ARSG: variants seen among roughly 807,000 people sequenced by gnomAD.
The protein encoded by ARSG is ASG.
In ARSG, 37 loss-of-function variants were observed where a neutral mutation model predicts 50.5. The observed-to-expected ratio is 0.73, with a 90% CI of 0.56 to 0.96. The LOEUF (loss-of-function observed/expected upper bound fraction) is 0.96, where lower values mean the gene tolerates loss of function less well. ARSG is among the 50% of genes least tolerant of loss of function. The pLI is 0.00. For missense variants in ARSG, 629 were observed against 675.3 expected (o/e 0.93, Z 0.76); for synonymous variants, 225 against 254.6 (o/e 0.88, Z 1.11).
At chr17:68,347,787 T>C (rs776181929) in intron 4 of ARSG, among the ~76,000 whole-genome samples, 3 of 152,220 alleles carry the variant, frequency 2.0e-5, no homozygotes, top group Non-Finnish European at 4.4e-5. Context: ...GTGGACTTTC[T>C]CTTAAAGGCA....
intron 11 of ARSG, among the ~76,000 whole-genome samples, chr17:68,416,250 T>C (rs1453112853): frequency 2.0e-5 from 3 of 152,208 alleles, no homozygotes; most frequent in African/African-American, 4.8e-5. Context: ...TCTCAGCATT[T>C]GTTTGTATCC....
chr17:68,444,510 A>G, the ARSG span: 1 of 1,613,782 alleles, frequency 6.2e-7, no homozygotes, highest in Non-Finnish European at 8.5e-7. Flanking sequence ...GTTTGCAGGA[A>G]TATCCAGGAG....
At chr17:68,427,076 G>C, downstream of ARSG, 1 of 1,414,136 alleles carries the variant, frequency 7.1e-7, no homozygotes, top group Non-Finnish European at 1.0e-6. Context: ...AGCGTGCAGG[G>C]AGAAGGGGAG....
intron 2 of ARSG, among the ~76,000 whole-genome samples, chr17:68,327,877 C>T (rs978725772): frequency 5.3e-5 from 8 of 152,004 alleles, no homozygotes; most frequent in Non-Finnish European, 1.2e-4. Flanking sequence ...GAGAGTGCTT[C>T]GGGTGAGGGA....
chr17:68,371,608 G>C (rs926946134), intron 8 of ARSG, among the ~76,000 whole-genome samples: 12 of 152,108 alleles, frequency 7.9e-5, no homozygotes, highest in African/African-American at 2.9e-4. Flanking sequence ...TGAAAAATAC[G>C]CATATCATTT....
chr17:68,417,405 C>T (rs2082437620), intron 11 of ARSG, among the ~76,000 whole-genome samples: 1 of 152,160 alleles, frequency 6.6e-6, no homozygotes, highest in Admixed American at 6.5e-5. Flanking sequence ...CCAGTATTTA[C>T]TGTAAGAACT....
At position 68,307,721 on chromosome 17, in the gene ARSG, G is replaced by C. The variant is rs1474343038; in HGVS notation, c.218+10G>C. On this transcript the variant is annotated intron_variant, in intron 2 of 11. Coordinates refer to ENST00000621439, the MANE Select transcript of ARSG (RefSeq NM_001267727.2). ...CTTCGGAGGGAATGAGGTGAGTCTT[G>C]AGATGCCAGGCCAGCCTTTCTTTGG... The C allele has an allele frequency of 2.8e-6, 4 of 1,421,748 alleles. No individual in the cohort carries two copies. The African/African-American group carries it at 5.6e-5, about 20-fold the overall frequency. 88.1% of individuals were successfully genotyped at this position (1,421,748 alleles called of 1,614,324 possible). A position where few individuals can be genotyped will look rare whatever the true frequency, so the allele number is the denominator to read the frequency against.
intron 1 of ARSG, among the ~76,000 whole-genome samples, chr17:68,266,516 TA>T (rs1385228891): frequency 1.4e-5 from 2 of 141,252 alleles, no homozygotes; most frequent in African/African-American, 5.2e-5. Context: ...AAAAAAGACA[TA>T]AAAAAGTTTA....
chr17:68,308,491 G>A lies in ARSG; in HGVS notation c.218+780G>A, dbSNP rs1286711311. 4.6e-5 allele frequency among the ~76,000 whole-genome samples: 7 copies of A among 152,186 alleles called. No homozygotes were observed. In the East Asian group the frequency reaches 1.3e-3, roughly 29 times the overall value. ...GGGCTCGTGGTCTCGCTGGCTTCAG[G>A]AGTGAAGCTGCAGACCTTCATGGTG... On this transcript the variant is annotated intron_variant, in intron 2 of 11. Transcript: ENST00000621439.
chr17:68,445,046 G>A, the ARSG span, among the ~76,000 whole-genome samples: 1,297 of 151,064 alleles, frequency 8.6e-3, 29 homozygotes, highest in Admixed American at 0.049. Flanking sequence ...TCAGCCTCCT[G>A]AGTAGCTGGG....
intron 11 of ARSG, among the ~76,000 whole-genome samples, chr17:68,414,931 G>C (rs1208260222): frequency 6.6e-6 from 1 of 151,852 alleles, no homozygotes; most frequent in East Asian, 1.9e-4. Flanking sequence ...TTCTTTTCTT[G>C]GTTAATCTTG....
intron 2 of ARSG, among the ~76,000 whole-genome samples, chr17:68,328,825 C>T (rs2077608199): frequency 6.6e-6 from 1 of 152,094 alleles, no homozygotes; most frequent in African/African-American, 2.4e-5. Flanking sequence ...TCGATGCAGG[C>T]TATGGCTTTC....
downstream of ARSG, among the ~76,000 whole-genome samples, chr17:68,424,770 G>T (rs2083046783): frequency 6.6e-6 from 1 of 152,134 alleles, no homozygotes; most frequent in Non-Finnish European, 1.5e-5. Context: ...GCAGCTACTC[G>T]GGAGGCTGAG....
upstream of ARSG, chr17:68,291,333 G>A (rs2075980056): frequency 6.7e-6 from 1 of 149,598 alleles, no homozygotes; most frequent in African/African-American, 2.5e-5. Flanking sequence ...TGCGACCCGG[G>A]CCGTGCGTGC....
the ARSG span, among the ~76,000 whole-genome samples, chr17:68,441,740 G>A: frequency 2.0e-5 from 3 of 152,178 alleles, no homozygotes; most frequent in African/African-American, 7.2e-5. Flanking sequence ...AACGCTCTCC[G>A]TGGCAACTCT....
At chr17:68,419,446 G>C (rs1319580647) in intron 11 of ARSG, among the ~76,000 whole-genome samples, 3 of 152,102 alleles carry the variant, frequency 2.0e-5, no homozygotes, top group Non-Finnish European at 4.4e-5. Flanking sequence ...CGTGGTGGCA[G>C]GTGCCTGTGA....
upstream of ARSG, among the ~76,000 whole-genome samples, chr17:68,287,458 C>A (rs2075867413): frequency 6.6e-6 from 1 of 152,002 alleles, no homozygotes; most frequent in Non-Finnish European, 1.5e-5. Flanking sequence ...CCTCACCTAG[C>A]CAGATGGTGG....
chr17:68,292,440 C>T (rs2076045117), intron 1 of ARSG, among the ~76,000 whole-genome samples: 1 of 152,238 alleles, frequency 6.6e-6, no homozygotes, highest in African/African-American at 2.4e-5. Context: ...AGATCCTAGA[C>T]ATTTCAGAGC....
chr17:68,351,221 G>GTT (rs537898704), intron 4 of ARSG, among the ~76,000 whole-genome samples: 5 of 143,200 alleles, frequency 3.5e-5, no homozygotes, highest in South Asian at 4.5e-4. Context: ...AAGAACAACT[G>GTT]TTTTTTTTTT....
Sources: allele counts gnomAD v4.1 joint callset (sites outside exome capture counted in the v4.1 genomes callset), GRCh38; gene constraint gnomAD v4.1.1; transcripts MANE v1.5; gene names NCBI Gene and HGNC (gene_info 2026-07-23, HGNC 2026-07-21).